Variants in TSHZ2 observed in about 807,000 individuals in gnomAD.
TSHZ2 encodes the protein teashirt homolog 2.
TSHZ2 carries 21 observed loss-of-function variants against 74.4 expected under a neutral mutation model. The ratio of observed to expected loss-of-function variants is 0.28; its 90% CI spans 0.20 to 0.41. The LOEUF (loss-of-function observed/expected upper bound fraction) is 0.41, where lower values mean the gene tolerates loss of function less well. TSHZ2 is among the 10% of genes least tolerant of loss of function. TSHZ2 has a pLI of 1.00. For missense variants in TSHZ2, 1,244 were observed against 1,293.5 expected (o/e 0.96, Z 0.59); for synonymous variants, 540 against 515.3 (o/e 1.05, Z -0.65).
chr20:53,363,068 G>A (rs1981125540), intron 2 of TSHZ2, among the ~76,000 whole-genome samples: 1 of 152,214 alleles, frequency 6.6e-6, no homozygotes, highest in Admixed American at 6.5e-5. Context: ...CACAGTGAGT[G>A]GGTGGACAAT....
intron 2 of TSHZ2, among the ~76,000 whole-genome samples, chr20:53,473,877 C>A (rs930440806): frequency 6.6e-6 from 1 of 151,918 alleles, no homozygotes; most frequent in Non-Finnish European, 1.5e-5. Context: ...CCTCAGGAAG[C>A]GATGCAATCA....
intron 2 of TSHZ2, among the ~76,000 whole-genome samples, chr20:53,288,711 A>G (rs529936652): frequency 1.3e-5 from 2 of 152,348 alleles, no homozygotes; most frequent in South Asian, 4.1e-4. Flanking sequence ...CAGATCCTAC[A>G]CAAATGAAAA....
At chr20:53,339,494 C>T (rs1426853883) in intron 2 of TSHZ2, among the ~76,000 whole-genome samples, 1 of 152,228 alleles carries the variant, frequency 6.6e-6, no homozygotes, top group African/African-American at 2.4e-5. Flanking sequence ...GTCCTTCTCA[C>T]ACTGGGGCAC....
chr20:53,148,705 T>G lies in TSHZ2; in HGVS notation c.41-104794T>G, dbSNP rs1987603779. ...TATAGATAAAGAAAATGAAGACATCTCCCAATCTTTTCTGAGATTGCCATC... is the reference window on the plus strand; with the variant it reads ...TATAGATAAAGAAAATGAAGACATCGCCCAATCTTTTCTGAGATTGCCATC... On this transcript the variant is annotated intron_variant, in intron 1 of 2. Coordinates refer to ENST00000371497, the MANE Select transcript of TSHZ2 (RefSeq NM_173485.6). 2.6e-5 allele frequency among the ~76,000 whole-genome samples: 4 copies of G among 152,198 alleles called. No homozygotes were observed. In the South Asian group the frequency reaches 8.3e-4, roughly 32 times the overall value.
In TSHZ2 at chr20:53,388,150, T is replaced by G. The variant is rs115732687; in HGVS notation, c.*9-98994T>G. 1.2e-3 allele frequency among the ~76,000 whole-genome samples: 183 copies of G among 152,312 alleles called. 1 individual carries two copies. The highest frequency in any genetic ancestry group is 4.1e-3 in the African/African-American group (169 of 41,566). On this transcript the variant is annotated intron_variant, in intron 2 of 2. Coordinates refer to ENST00000371497, the MANE Select transcript of TSHZ2 (RefSeq NM_173485.6). The stretch of plus-strand genomic sequence containing the variant: ...GGAGATTCCCATCATAGCAATCCCT[T>G]CAGCCATTCCACTGTTGTAGATTGT...
chr20:53,370,485 G>C (rs1413723456), intron 2 of TSHZ2, among the ~76,000 whole-genome samples: 3 of 152,182 alleles, frequency 2.0e-5, no homozygotes, highest in Non-Finnish European at 4.4e-5. Flanking sequence ...ACAAGGCCAG[G>C]CATTGTGGCT....
chr20:53,109,572 C>T (rs1052467097), intron 1 of TSHZ2, among the ~76,000 whole-genome samples: 4 of 152,156 alleles, frequency 2.6e-5, no homozygotes, highest in African/African-American at 9.7e-5. Context: ...TTGAGCTCAT[C>T]CCTCCAGAAA....
intron 2 of TSHZ2, among the ~76,000 whole-genome samples, chr20:53,326,326 C>T (rs1013903166): frequency 1.3e-5 from 2 of 152,170 alleles, no homozygotes; most frequent in Non-Finnish European, 2.9e-5. Flanking sequence ...GAGTGCTGAG[C>T]AAAGGAAGAC....
chr20:53,353,561 A>AT (rs1421315028), intron 2 of TSHZ2, among the ~76,000 whole-genome samples: 5 of 152,078 alleles, frequency 3.3e-5, no homozygotes, highest in Non-Finnish European at 7.4e-5. Flanking sequence ...CCAAATACGT[A>AT]TTTTTTCATT....
chr20:53,311,897 CAT>C (rs754243416), intron 2 of TSHZ2, among the ~76,000 whole-genome samples: 29 of 152,182 alleles, frequency 1.9e-4, no homozygotes, highest in Non-Finnish European at 3.8e-4. Context: ...GCCTTGGAAA[CAT>C]AGGGAGATAT....
chr20:53,404,943 C>T (rs1035037040), intron 2 of TSHZ2, among the ~76,000 whole-genome samples: 6 of 152,156 alleles, frequency 3.9e-5, no homozygotes, highest in South Asian at 4.1e-4. Context: ...ACGCACTCTT[C>T]GACATCCAAT....
intron 1 of TSHZ2, among the ~76,000 whole-genome samples, chr20:53,130,532 A>G (rs1987074212): frequency 6.6e-6 from 1 of 152,228 alleles, no homozygotes; most frequent in South Asian, 2.1e-4. Flanking sequence ...AGGCTGAGGC[A>G]TGAGAATTGC....
chr20:53,313,937 T>C (rs1209311689), intron 2 of TSHZ2, among the ~76,000 whole-genome samples: 2 of 152,212 alleles, frequency 1.3e-5, no homozygotes, highest in East Asian at 3.8e-4. Context: ...TGGCTGTGTA[T>C]TACCTTATTT....
rs968008478 is a variant in TSHZ2 at position 53,475,836 on chromosome 20, G to A, written c.*9-11308G>A. On this transcript the variant is annotated intron_variant, in intron 2 of 2. Transcript: ENST00000371497. ...AAATGACAAAGGGGATATCACCACC[G>A]ATCCCACAGAAATACAAACTACCAT... Among the ~76,000 whole-genome samples, 100 of 135,662 alleles carry A rather than the reference G, an allele frequency of 7.4e-4. 10 individuals carry two copies. The highest frequency in any genetic ancestry group is 2.8e-3 in the African/African-American group (94 of 34,088). 89.0% of individuals were successfully genotyped at this position (135,662 alleles called of 152,430 possible).
Position 53,055,416 on chromosome 20 carries a change from A to G in TSHZ2, c.40+82083A>G, listed in dbSNP as rs1271874306. 8.5e-5 allele frequency among the ~76,000 whole-genome samples: 13 copies of G among 152,340 alleles called. No individual in the cohort carries two copies. In the South Asian group the frequency reaches 1.2e-3, roughly 15 times the overall value. Reference sequence around the variant, plus strand: ...TGAAAACAATTCACTAAAATTTGCAATAATTCAGACAAGGCTTCAGATACT... The same window carrying G: ...TGAAAACAATTCACTAAAATTTGCAGTAATTCAGACAAGGCTTCAGATACT... On this transcript the variant is annotated intron_variant, in intron 1 of 2. Transcript: ENST00000371497.
chr20:53,369,928 G>C (rs1002506539), intron 2 of TSHZ2, among the ~76,000 whole-genome samples: 1 of 152,204 alleles, frequency 6.6e-6, no homozygotes, highest in Non-Finnish European at 1.5e-5. Flanking sequence ...TTAATGCAAA[G>C]ATGGTAAGGC....
chr20:53,284,542 C>T (rs1052057929), intron 2 of TSHZ2, among the ~76,000 whole-genome samples: 8 of 152,154 alleles, frequency 5.3e-5, no homozygotes, highest in Admixed American at 3.9e-4. Context: ...TGGGATAATA[C>T]GCATTAACAT....
At chr20:53,035,387 G>GT (rs1226082847) in intron 1 of TSHZ2, among the ~76,000 whole-genome samples, 2 of 151,892 alleles carry the variant, frequency 1.3e-5, no homozygotes, top group Admixed American at 6.6e-5. Context: ...GAGGTTTTTT[G>GT]TTTTTTTGTT....
intron 2 of TSHZ2, among the ~76,000 whole-genome samples, chr20:53,405,724 G>A (rs1982828407): frequency 1.3e-5 from 2 of 152,188 alleles, no homozygotes; most frequent in African/African-American, 2.4e-5. Context: ...GGCCAGGTAT[G>A]GTGGCTTATG....
Sources: gnomAD v4.1 joint callset for allele counts (sites outside exome capture counted in the v4.1 genomes callset) on GRCh38, gnomAD v4.1.1 for gene constraint, MANE v1.5 for transcripts, NCBI Gene and HGNC (gene_info 2026-07-23, HGNC 2026-07-21) for gene names.